Variants in PTPRH observed in about 807,000 individuals in gnomAD.
The protein encoded by PTPRH is receptor-type tyrosine-protein phosphatase H.
A neutral mutation model predicts 130.2 loss-of-function variants in PTPRH; 113 were observed. The observed-to-expected ratio is 0.87, with a 90% CI of 0.75 to 1.01. The LOEUF is 1.01. Ranked by LOEUF, PTPRH falls within the 50% of genes least tolerant of loss-of-function variation. PTPRH has a pLI of 0.00. For missense variants in PTPRH, 1,430 were observed against 1,425.0 expected, an observed-to-expected ratio of 1.00 and a Z score of -0.06; for synonymous variants, 556 against 577.9, an observed-to-expected ratio of 0.96 and a Z score of 0.54.
chr19:55,186,891 A>G (rs559276360), intron 14 of PTPRH, among the ~76,000 whole-genome samples: 8 of 152,132 alleles, frequency 5.3e-5, no homozygotes, highest in Non-Finnish European at 1.0e-4. Flanking sequence ...TTAAAAATAC[A>G]AAAATTAGCC....
At chr19:55,183,907 T>TCAGAGA (rs2086247009) in intron 18 of PTPRH, among the ~76,000 whole-genome samples, 1 of 152,138 alleles carries the variant, frequency 6.6e-6, no homozygotes, top group South Asian at 2.1e-4. Flanking sequence ...CTCTTCAGTG[T>TCAGAGA]CTCTGTTGCT....
chr19:55,190,847 C>T (rs10425369), intron 12 of PTPRH, among the ~76,000 whole-genome samples: 37,857 of 150,488 alleles, frequency 0.25, 5,327 homozygotes, highest in African/African-American at 0.39. Context: ...TTTTTTATTA[C>T]TATTATTTTT....
At position 55,202,112 on chromosome 19, in the gene PTPRH, A is replaced by G; in HGVS notation, c.1097T>C (p.Val366Ala). The G allele has an allele frequency of 1.9e-6, 3 of 1,614,156 alleles. No individual in the cohort carries two copies. Among genetic ancestry groups the G allele is most frequent in the Non-Finnish European group, 2.5e-6 (3 of 1,180,024 alleles). Reference sequence around the variant, plus strand: ...GTTGATTCCATTCTTCCCCACCCACACGGAAAACACATACAAACACCCGGG... The same window carrying G: ...GTTGATTCCATTCTTCCCCACCCACGCGGAAAACACATACAAACACCCGGG... ...LEPGCLYVFS[V>A]WVGKNGINSS... The change falls in exon 6 of 20, where the codon GTG (valine) becomes GCG (alanine). Residue 366 changes from valine (V) to alanine (A), a missense_variant. Physicochemically the swap from Val to Ala is moderately conservative, Grantham distance 64. Coordinates refer to ENST00000376350, the MANE Select transcript of PTPRH (RefSeq NM_002842.5).
chr19:55,191,766 C>A lies in PTPRH; in HGVS notation c.2258-25G>T, dbSNP rs375585502. Reference sequence around the variant, plus strand: ...CCTGTGGGGAGGAGGCATCGGGAACCCTCAGAGCGCAGGTCTGAGCTGCTC... The same window carrying A: ...CCTGTGGGGAGGAGGCATCGGGAACACTCAGAGCGCAGGTCTGAGCTGCTC... On this transcript the variant is annotated intron_variant, in intron 10 of 19. Transcript: ENST00000376350. 1.9e-6 allele frequency: 3 copies of A among 1,591,106 alleles called. No individual in the cohort carries two copies. The African/African-American group carries it at 4.0e-5, about 21-fold the overall frequency.
At chr19:55,188,028 T>G (rs1377155513) in intron 13 of PTPRH, 50 bp downstream of exon 13, 1 of 1,274,924 alleles carries the variant, frequency 7.8e-7, no homozygotes, top group African/African-American at 1.6e-5. Context: ...GGGGTGGGGG[T>G]CTGGGCCACC....
At chr19:55,206,030 C>G (rs1298486220) in intron 3 of PTPRH, among the ~76,000 whole-genome samples, 3 of 152,052 alleles carry the variant, frequency 2.0e-5, no homozygotes, top group African/African-American at 7.2e-5. Context: ...GTCAGGAGTT[C>G]GAGACCAGCC....
rs1447132955 is a variant in PTPRH, at chr19:55,207,204, A to G, written c.52-5T>C. 6.8e-6 allele frequency: 11 copies of G among 1,612,806 alleles called. No homozygotes were observed. The highest frequency in any genetic ancestry group is 9.3e-6 in the Non-Finnish European group (11 of 1,179,518). ...CCCTGTCCAGCTGCACAGGCCCTGG[A>G]GGGAACCCAGAGAAAACGGAGTCAG... On this transcript the variant is annotated splice_region_variant and splice_polypyrimidine_tract_variant and intron_variant, in intron 1 of 19. Transcript: ENST00000376350.
At chr19:55,192,539 T>C (rs780813164) in intron 10 of PTPRH, among the ~76,000 whole-genome samples, 1 of 151,962 alleles carries the variant, frequency 6.6e-6, no homozygotes, top group Non-Finnish European at 1.5e-5. Context: ...TCAAAAGTTA[T>C]GTGCAGATTT....
chr19:55,201,265 T>C (rs1430139164), intron 6 of PTPRH, among the ~76,000 whole-genome samples: 5 of 152,086 alleles, frequency 3.3e-5, no homozygotes, highest in African/African-American at 7.2e-5. Flanking sequence ...TAGTCCCTGC[T>C]ACTTGGGAGG....
intron 10 of PTPRH, chr19:55,191,944 C>A (rs1259061317): frequency 1.5e-6 from 1 of 673,126 alleles, no homozygotes; most frequent in Non-Finnish European, 2.7e-6. Context: ...GACAGCAAGA[C>A]CAGCCCCTCT....
rs200851137 is a variant in PTPRH, at chr19:55,185,984, C to G, written c.2779G>C (p.Val927Leu). ...AGAGGCCAGTAATGCTCACACTTCA[C>G]CTGGGGGAGGAGGAGGGGTCAGAGA... ...MLTNCMEAGR[V>L]KCEHYWPLDS... Residue 927 changes from valine to leucine, a missense_variant and splice_region_variant, in exon 17 of 20, where the codon GTG (valine) becomes CTG (leucine). By Grantham distance (32) the Val-to-Leu change is conservative. Transcript: ENST00000376350. The G allele has an allele frequency of 1.2e-5, 19 of 1,613,852 alleles. No homozygotes were observed. In the East Asian group the frequency reaches 4.2e-4, roughly 36 times the overall value.
chr19:55,187,074 A>C (rs746858748), intron 14 of PTPRH, among the ~76,000 whole-genome samples: 3 of 150,458 alleles, frequency 2.0e-5, no homozygotes, highest in Non-Finnish European at 3.0e-5. Flanking sequence ...GGCCGGGCGC[A>C]GTGGCTCACG....
chr19:55,186,241 C>T lies in PTPRH; in HGVS notation c.2762G>A (p.Cys921Tyr). The change falls in exon 16 of 20, where the codon TGC becomes TAC. Residue 921 changes from cysteine to tyrosine, a missense_variant. Physicochemically the swap from Cys to Tyr is radical, Grantham distance 194. Coordinates refer to ENST00000376350, the MANE Select transcript of PTPRH (RefSeq NM_002842.5). The part of the protein sequence containing the change: ...QSHTLVMLTN[C>Y]MEAGRVKCEH... ...ATCTCTCACCCGGCCGGCCTCCATG[C>T]AGTTGGTCAGCATGACCAGGGTGTG... The T allele has an allele frequency of 6.2e-7, 1 of 1,611,464 alleles. No homozygotes were observed. Among genetic ancestry groups the T allele is most frequent in the Non-Finnish European group, 8.5e-7 (1 of 1,178,054 alleles).
chr19:55,190,106 C>G (rs2086480672), intron 12 of PTPRH, among the ~76,000 whole-genome samples: 1 of 152,088 alleles, frequency 6.6e-6, no homozygotes, highest in African/African-American at 2.4e-5. Context: ...GGCTGTGGCT[C>G]ACGCCGGTAA....
intron 18 of PTPRH, 21 bp downstream of exon 18, chr19:55,185,481 G>A: frequency 6.2e-7 from 1 of 1,611,966 alleles, no homozygotes; most frequent in Middle Eastern, 1.7e-4. Flanking sequence ...TCAAGGGAGA[G>A]GGTCCTGGGC....
intron 10 of PTPRH, among the ~76,000 whole-genome samples, chr19:55,192,396 T>C (rs1255484788): frequency 1.3e-5 from 2 of 151,944 alleles, no homozygotes; most frequent in African/African-American, 2.4e-5. Flanking sequence ...AGCAAGACTC[T>C]GTCTCAAAAA....
intron 8 of PTPRH, among the ~76,000 whole-genome samples, chr19:55,198,359 G>T (rs2086750584): frequency 6.6e-6 from 1 of 152,182 alleles, no homozygotes; most frequent in African/African-American, 2.4e-5. Flanking sequence ...TCCAGCTGGT[G>T]ACTTTGTCAG....
In PTPRH at chr19:55,202,160, T is replaced by C. The variant is rs2086884369; in HGVS notation, c.1049A>G (p.Asn350Ser). 6.2e-7 allele frequency: 1 copy of C among 1,614,038 alleles called. No individual in the cohort carries two copies. Among genetic ancestry groups the C allele is most frequent in the Admixed American group, 1.7e-5 (1 of 59,990 alleles). ...GGGTTCAAGTCTATCCACGGTGATG[T>C]TGGTGTGTGCTGTGCTTCGAGTCCC... ...RAGTRSTAHT[N>S]ITVDRLEPGC... The change falls in exon 6 of 20, where the codon AAC becomes AGC. Residue 350 changes from asparagine to serine, a missense_variant. Asn to Ser is a conservative substitution (Grantham distance 46). Transcript: ENST00000376350.
At chr19:55,203,597 G>C (rs1441910655) in intron 5 of PTPRH, among the ~76,000 whole-genome samples, 185 bp downstream of exon 5, 3 of 151,464 alleles carry the variant, frequency 2.0e-5, no homozygotes, top group African/African-American at 7.3e-5. Flanking sequence ...TTTTTTTGTA[G>C]AGACAGGCTG....
Sources: allele counts gnomAD v4.1 joint callset (sites outside exome capture counted in the v4.1 genomes callset), GRCh38; gene constraint gnomAD v4.1.1; transcripts MANE v1.5; gene names NCBI Gene and HGNC (gene_info 2026-07-23, HGNC 2026-07-21).